The following DRC11 variants were observed in gnomAD, a reference collection of about 807,000 sequenced individuals.
DRC11 encodes the protein IQ and AAA domain-containing protein 1.
At chr2:236,331,140 T>C in the DRC11 span, among the ~76,000 whole-genome samples, 25,630 of 152,226 alleles carry the variant, frequency 0.17, 2,340 homozygotes, top group Non-Finnish European at 0.21. The surrounding 1 kb of genome is among the most constrained non-coding windows in gnomAD (Gnocchi z 4.8). Context: ...GCAATTGGGC[T>C]GTTAATATAT....
the DRC11 span, among the ~76,000 whole-genome samples, chr2:236,399,242 G>A: frequency 6.6e-6 from 1 of 151,918 alleles, no homozygotes; most frequent in South Asian, 2.1e-4. The surrounding 1 kb of genome is among the most constrained non-coding windows in gnomAD (Gnocchi z 7.0). Context: ...TGCCCACCTC[G>A]GCCTCCCAAA....
the DRC11 span, among the ~76,000 whole-genome samples, chr2:236,422,855 T>C: frequency 0.44 from 66,211 of 150,302 alleles, 15,027 homozygotes; most frequent in African/African-American, 0.5. Context: ...AAAACAGAGA[T>C]ATAGATCAAT....
chr2:236,431,483 C>A, the DRC11 span, among the ~76,000 whole-genome samples: 1 of 152,178 alleles, frequency 6.6e-6, no homozygotes. The surrounding 1 kb of genome is among the most constrained non-coding windows in gnomAD (Gnocchi z 4.2). Flanking sequence ...TCACTGCCTG[C>A]ATGGTTCAAT....
chr2:236,440,819 C>T, the DRC11 span, among the ~76,000 whole-genome samples: 2 of 151,978 alleles, frequency 1.3e-5, no homozygotes, highest in South Asian at 2.1e-4. Context: ...ACGACCTTCA[C>T]ACATCATCAC....
the DRC11 span, chr2:236,380,713 G>A: frequency 5.4e-5 from 59 of 1,090,448 alleles, no homozygotes; most frequent in African/African-American, 7.8e-5. The surrounding 1 kb of genome is among the most constrained non-coding windows in gnomAD (Gnocchi z 4.9). Context: ...AGCTAAGCAC[G>A]TTGTTTTCTG....
the DRC11 span, among the ~76,000 whole-genome samples, chr2:236,316,596 A>C: frequency 6.6e-6 from 1 of 152,262 alleles, no homozygotes; most frequent in South Asian, 2.1e-4. The surrounding 1 kb of genome is among the most constrained non-coding windows in gnomAD (Gnocchi z 6.8). Context: ...ACCCAATGGA[A>C]AAATAGACAA....
the DRC11 span, among the ~76,000 whole-genome samples, chr2:236,449,453 C>T: frequency 4.0e-4 from 61 of 152,330 alleles, 1 homozygote; most frequent in South Asian, 1.0e-3. The surrounding 1 kb of genome is among the most constrained non-coding windows in gnomAD (Gnocchi z 5.1). Flanking sequence ...CCGAGTGACT[C>T]AGGCCGTGTT....
At chr2:236,491,165 A>ATATATATATATATACACAG in the DRC11 span, among the ~76,000 whole-genome samples, 4 of 77,840 alleles carry the variant, frequency 5.1e-5, no homozygotes, top group East Asian at 2.8e-4. Flanking sequence ...CACAGTATAT[A>ATATATATATATATACACAG]TATATATATA....
chr2:236,344,449 T>C, the DRC11 span: 2 of 711,536 alleles, frequency 2.8e-6, no homozygotes, highest in South Asian at 3.6e-5. Flanking sequence ...CAGTGTTTCC[T>C]TCCTCGCTTG....
chr2:236,459,528 T>C, the DRC11 span, among the ~76,000 whole-genome samples: 559 of 95,914 alleles, frequency 5.8e-3, 10 homozygotes, highest in African/African-American at 0.021. Context: ...CATGTATACA[T>C]GTATACGTAT....
chr2:236,410,261 C>T, the DRC11 span, among the ~76,000 whole-genome samples: 1 of 151,724 alleles, frequency 6.6e-6, no homozygotes, highest in East Asian at 1.9e-4. Context: ...GGTTGGTAAG[C>T]TATTGATTAT....
the DRC11 span, among the ~76,000 whole-genome samples, chr2:236,378,735 C>T: frequency 6.6e-6 from 1 of 152,008 alleles, no homozygotes; most frequent in Non-Finnish European, 1.5e-5. Context: ...TGGGCTGCAC[C>T]CTCCTCAAGG....
At chr2:236,326,528 A>G in the DRC11 span, among the ~76,000 whole-genome samples, 1 of 152,112 alleles carries the variant, frequency 6.6e-6, no homozygotes, top group East Asian at 1.9e-4. Context: ...ACTGATTGCC[A>G]TATTTTTAAT....
the DRC11 span, among the ~76,000 whole-genome samples, chr2:236,397,568 A>G: frequency 6.6e-6 from 1 of 152,242 alleles, no homozygotes; most frequent in Admixed American, 6.5e-5. The surrounding 1 kb of genome is among the most constrained non-coding windows in gnomAD (Gnocchi z 5.0). Flanking sequence ...AAGAAAACAA[A>G]TTAGTAAGTT....
the DRC11 span, among the ~76,000 whole-genome samples, chr2:236,349,788 C>T: frequency 6.6e-6 from 1 of 152,154 alleles, no homozygotes; most frequent in Non-Finnish European, 1.5e-5. This position sits in a 1 kb window ranked among gnomAD's most constrained non-coding sequence, Gnocchi z 5.5. Flanking sequence ...GGCTTAATGC[C>T]TGGGCGATGA....
At chr2:236,324,738 T>C in the DRC11 span, 2 of 1,606,388 alleles carry the variant, frequency 1.2e-6, no homozygotes, top group Non-Finnish European at 1.7e-6. The surrounding 1 kb of genome is among the most constrained non-coding windows in gnomAD (Gnocchi z 5.7). Flanking sequence ...CCTCCTGTTA[T>C]CGCCAAGGCA....
At chr2:236,408,972 T>A in the DRC11 span, 5 of 705,102 alleles carry the variant, frequency 7.1e-6, no homozygotes, top group Non-Finnish European at 1.3e-5. This position sits in a 1 kb window ranked among gnomAD's most constrained non-coding sequence, Gnocchi z 5.5. Context: ...CTTGGAAGGG[T>A]CATCCTTAGG....
chr2:236,412,694 C>G, the DRC11 span: 41 of 152,386 alleles, frequency 2.7e-4, no homozygotes, highest in African/African-American at 7.7e-4. Flanking sequence ...TGTGGTATCT[C>G]TTGCATCCTT....
At chr2:236,449,264 G>T in the DRC11 span, among the ~76,000 whole-genome samples, 1 of 152,174 alleles carries the variant, frequency 6.6e-6, no homozygotes, top group Non-Finnish European at 1.5e-5. This position sits in a 1 kb window ranked among gnomAD's most constrained non-coding sequence, Gnocchi z 5.1. Context: ...GAGAGAACTG[G>T]GAACTCTGAG....
Sources: allele counts gnomAD v4.1 joint callset (sites outside exome capture counted in the v4.1 genomes callset), GRCh38; gene constraint gnomAD v4.1.1; non-coding constraint Gnocchi (gnomAD v3.1); transcripts MANE v1.5; gene names NCBI Gene and HGNC (gene_info 2026-07-23, HGNC 2026-07-21).